The following CDH2 variants were observed in gnomAD, a reference collection of about 807,000 sequenced individuals.
CDH2 encodes the protein cadherin 2.
A neutral mutation model predicts 92.0 loss-of-function variants in CDH2; 17 were observed. That is an observed-to-expected ratio of 0.18 (90% CI 0.13 to 0.28). The LOEUF is 0.28. CDH2 is among the 10% of genes least tolerant of loss of function. The probability of loss-of-function intolerance (pLI) is 1.00; values close to 1 mark genes in which losing one functional copy is unlikely to be tolerated. For missense variants in CDH2, 862 were observed against 1,133.1 expected (o/e 0.76, Z 3.44); for synonymous variants, 419 against 415.9 (o/e 1.01, Z -0.09).
chr18:28,040,800 C>G (rs144976969), intron 2 of CDH2, among the ~76,000 whole-genome samples: 2 of 152,270 alleles, frequency 1.3e-5, no homozygotes, highest in East Asian at 3.9e-4. Flanking sequence ...GTAGTGAGAG[C>G]ACAACAAATA....
At chr18:27,958,834 T>A (rs2011323689) in intron 15 of CDH2, among the ~76,000 whole-genome samples, 1 of 152,138 alleles carries the variant, frequency 6.6e-6, no homozygotes. Context: ...TGAGATCTGA[T>A]GGTTTTGTAA....
chr18:27,963,602 T>C (rs565966063), intron 14 of CDH2, 81 bp from the exon 15 acceptor site: 3 of 1,243,480 alleles, frequency 2.4e-6, no homozygotes, highest in African/African-American at 3.0e-5. Context: ...AAGCACATAC[T>C]CAGAACACAT....
intron 2 of CDH2, among the ~76,000 whole-genome samples, chr18:28,019,703 A>G (rs189190185): frequency 6.6e-6 from 1 of 152,234 alleles, no homozygotes; most frequent in Non-Finnish European, 1.5e-5. Flanking sequence ...CTAACCTATG[A>G]CCAATATGAA....
intron 1 of CDH2, among the ~76,000 whole-genome samples, chr18:28,158,708 C>T (rs1298730479): frequency 1.3e-5 from 2 of 152,206 alleles, no homozygotes. Context: ...AACATATTTG[C>T]CCTTTTCACT....
chr18:28,000,531 C>G (rs924611968), intron 7 of CDH2, among the ~76,000 whole-genome samples: 4 of 152,136 alleles, frequency 2.6e-5, no homozygotes, highest in Non-Finnish European at 5.9e-5. Flanking sequence ...ACAGCCCATA[C>G]TAAGCAGAGC....
chr18:28,057,283 GAATT>G (rs910325890), intron 2 of CDH2, among the ~76,000 whole-genome samples: 1 of 152,156 alleles, frequency 6.6e-6, no homozygotes, highest in African/African-American at 2.4e-5. Flanking sequence ...AGCAGAACAA[GAATT>G]ATTTAAATAC....
intron 2 of CDH2, among the ~76,000 whole-genome samples, chr18:28,067,389 C>G (rs1322534353): frequency 6.6e-6 from 1 of 152,110 alleles, no homozygotes; most frequent in African/African-American, 2.4e-5. Flanking sequence ...CTCCCCAATC[C>G]CAATCCCCTA....
chr18:28,122,150 T>C (rs1255028592), intron 2 of CDH2, among the ~76,000 whole-genome samples: 1 of 152,106 alleles, frequency 6.6e-6, no homozygotes, highest in African/African-American at 2.4e-5. Flanking sequence ...AACATCTCAA[T>C]TGGCTTCATC....
chr18:28,019,354 G>C (rs1312632157), intron 2 of CDH2, among the ~76,000 whole-genome samples: 1 of 151,094 alleles, frequency 6.6e-6, no homozygotes, highest in Non-Finnish European at 1.5e-5. Flanking sequence ...AGGAGGGAAG[G>C]CAGGAAGGAA....
intron 14 of CDH2, chr18:27,963,766 A>G: frequency 4.4e-6 from 2 of 457,544 alleles, no homozygotes; most frequent in East Asian, 3.9e-5. Flanking sequence ...TCAGTTTCCA[A>G]TGAAAAACAG....
intron 2 of CDH2, among the ~76,000 whole-genome samples, chr18:28,128,805 G>C (rs2015719913): frequency 6.6e-6 from 1 of 152,120 alleles, no homozygotes; most frequent in Non-Finnish European, 1.5e-5. Context: ...TTAACCCCAT[G>C]ATTAATGAGG....
At chr18:28,157,011 A>C (rs17469315) in intron 1 of CDH2, among the ~76,000 whole-genome samples, 6,785 of 152,318 alleles carry the variant, frequency 0.045, 209 homozygotes, top group Middle Eastern at 0.092. Flanking sequence ...GATAGACAGG[A>C]GCTTACCATG....
chr18:28,043,890 A>AGTTTTTTTTTTTTTTTTTTTTTTTT (rs2014013411), intron 2 of CDH2, among the ~76,000 whole-genome samples: 1 of 91,454 alleles, frequency 1.1e-5, no homozygotes, highest in African/African-American at 3.9e-5. Flanking sequence ...AGAATCTCGG[A>AGTTTTTTTTTTTTTTTTTTTTTTTT]TTTTTTTTTT....
chr18:27,991,487 C>A (rs2012413478), intron 9 of CDH2, among the ~76,000 whole-genome samples: 1 of 152,150 alleles, frequency 6.6e-6, no homozygotes, highest in Admixed American at 6.5e-5. Context: ...ATTTCACTAG[C>A]CACACGAAAC....
chr18:28,096,049 T>C (rs1308611970), intron 2 of CDH2, among the ~76,000 whole-genome samples: 1 of 152,154 alleles, frequency 6.6e-6, no homozygotes, highest in Non-Finnish European at 1.5e-5. Flanking sequence ...GTGAGGGTGA[T>C]TCAGACATGC....
intron 2 of CDH2, among the ~76,000 whole-genome samples, chr18:28,056,486 T>C (rs1468799985): frequency 6.6e-6 from 1 of 152,142 alleles, no homozygotes; most frequent in African/African-American, 2.4e-5. Context: ...TCTTAGGTCT[T>C]TGATTATGTA....
At chr18:27,934,334 GC>G (rs1908971752) in intron 6 of CDH2, among the ~76,000 whole-genome samples, 3 of 152,234 alleles carry the variant, frequency 2.0e-5, no homozygotes, top group African/African-American at 7.2e-5. Context: ...GATTCTGAGA[GC>G]AATCTGAGTG....
At chr18:27,964,525 A>C (rs925735873) in intron 14 of CDH2, among the ~76,000 whole-genome samples, 2 of 152,208 alleles carry the variant, frequency 1.3e-5, no homozygotes, top group African/African-American at 4.8e-5. Context: ...GCATAGATGT[A>C]GTTATGCTTT....
intron 2 of CDH2, among the ~76,000 whole-genome samples, chr18:28,071,466 T>C (rs1457433929): frequency 1.3e-5 from 2 of 152,138 alleles, no homozygotes; most frequent in Non-Finnish European, 2.9e-5. Flanking sequence ...TCCGTAACTG[T>C]CACACCATCA....
Sources: allele counts gnomAD v4.1 joint callset (sites outside exome capture counted in the v4.1 genomes callset), GRCh38; gene constraint gnomAD v4.1.1; transcripts MANE v1.5; gene names NCBI Gene and HGNC (gene_info 2026-07-23, HGNC 2026-07-21).